SNX12: variants seen among roughly 807,000 people sequenced by gnomAD.
SNX12 encodes sorting nexin 12, also known as sorting nexin-12.
For missense variants in SNX12, 62 were observed against 141.3 expected, an observed-to-expected ratio of 0.44 and a Z score of 2.84; for synonymous variants, 47 against 56.0, an observed-to-expected ratio of 0.84 and a Z score of 0.71.
At chrX:71,073,035 TACACACACAC>T (rs56242437), upstream of SNX12, among the ~76,000 whole-genome samples, 128 of 89,895 alleles carry the variant, frequency 1.4e-3, no homozygotes, top group Middle Eastern at 0.011. Flanking sequence ...TTATCACACA[TACACACACAC>T]ACACACACAC....
Position 71,059,282 on chromosome X carries a change from T to C in SNX12, c.*1734A>G, listed in dbSNP as rs1170016535. The C allele has an allele frequency of 1.8e-5, 2 of 112,166 alleles. No homozygotes were observed. Among genetic ancestry groups the C allele is most frequent in the Non-Finnish European group, 3.8e-5 (2 of 53,268 alleles). The allele number at this position is 112,166 out of a possible 1,213,427, so 9.2% of individuals were successfully genotyped here. On this transcript the variant is annotated 3_prime_UTR_variant, in exon 4 of 4. Coordinates refer to ENST00000374274, the MANE Select transcript of SNX12 (RefSeq NM_013346.4). Reference sequence around the variant, plus strand: ...GTGGTTTAATATGAACAGAGTTGAATATGACATTGTCTGACAGAAGAATGA... The same window carrying C: ...GTGGTTTAATATGAACAGAGTTGAACATGACATTGTCTGACAGAAGAATGA...
chrX:71,068,232 C>T lies in SNX12; in HGVS notation c.75G>A (p.Pro25=), dbSNP rs1481627068. ...TGTCGATCTCCAGGAAGTTACTTGG[C>T]GGCCCGTAAGCGTCGGTCAGGTCCT... ...KPQDLTDAYG[P]PSNFLEIDIF... The change falls in exon 1 of 4, where the codon CCG becomes CCA. Residue 25 remains proline (P), a synonymous_variant. Coordinates refer to ENST00000374274, the MANE Select transcript of SNX12 (RefSeq NM_013346.4). The T allele has an allele frequency of 8.3e-7, 1 of 1,210,127 alleles. No homozygotes were observed. Among genetic ancestry groups the T allele is most frequent in the Admixed American group, 2.2e-5 (1 of 45,915 alleles).
At chrX:71,069,365 A>C, upstream of SNX12, among the ~76,000 whole-genome samples, 1 of 112,397 alleles carries the variant, frequency 8.9e-6, no homozygotes, top group South Asian at 3.6e-4. Context: ...CACTAAGCAA[A>C]TACGTGCCAA....
intron 2 of SNX12, among the ~76,000 whole-genome samples, chrX:71,062,562 G>A (rs936541236): frequency 9.1e-6 from 1 of 109,618 alleles, no homozygotes; most frequent in Non-Finnish European, 1.9e-5. Flanking sequence ...TAGTACAGGC[G>A]GGGTTTCACC....
In SNX12 at chrX:71,060,112, T is replaced by G. The variant is rs932162572; in HGVS notation, c.*904A>C. On this transcript the variant is annotated 3_prime_UTR_variant, in exon 4 of 4. Transcript: ENST00000374274. ...GGAAGGAAGACAGTGTTGATGCCCT[T>G]CCCTACCGCGGGTAAGAGCCTAGAA... 2 of 111,659 alleles carry G rather than the reference T, an allele frequency of 1.8e-5. No individual in the cohort carries two copies. Among genetic ancestry groups the G allele is most frequent in the Non-Finnish European group, 3.8e-5 (2 of 53,163 alleles). 9.2% of individuals were successfully genotyped at this position (111,659 alleles called of 1,213,427 possible).
At chrX:71,070,716 G>T (rs1300175157), upstream of SNX12, among the ~76,000 whole-genome samples, 4 of 111,314 alleles carry the variant, frequency 3.6e-5, no homozygotes, top group African/African-American at 1.3e-4. Context: ...AAGGACAGAA[G>T]ATTTGAAAGT....
intron 1 of SNX12, among the ~76,000 whole-genome samples, chrX:71,063,542 TAATAA>T (rs1237503130): frequency 1.8e-5 from 2 of 108,899 alleles, no homozygotes; most frequent in Admixed American, 2.0e-4. Context: ...TTTATAATAA[TAATAA>T]ATGTCTATGA....
upstream of SNX12, among the ~76,000 whole-genome samples, chrX:71,069,054 C>A: frequency 8.9e-6 from 1 of 112,201 alleles, no homozygotes; most frequent in Non-Finnish European, 1.9e-5. Context: ...CCTTCTATTT[C>A]TACTCCGCAG....
upstream of SNX12, among the ~76,000 whole-genome samples, chrX:71,069,944 AAGAAAG>A (rs1014251766): frequency 2.3e-5 from 2 of 87,831 alleles, no homozygotes; most frequent in Non-Finnish European, 4.7e-5. Flanking sequence ...CCATCAAAAA[AAGAAAG>A]AAAGAAAAGG....
At chrX:71,066,262 G>A (rs1166840426) in intron 1 of SNX12, among the ~76,000 whole-genome samples, 7 of 111,601 alleles carry the variant, frequency 6.3e-5, no homozygotes, top group Non-Finnish European at 1.3e-4. Context: ...GTACACAGTA[G>A]GCACTAGATG....
At chrX:71,062,126 C>T (rs919735944) in intron 2 of SNX12, among the ~76,000 whole-genome samples, 159 bp from the exon 3 acceptor site, 3 of 111,495 alleles carry the variant, frequency 2.7e-5, no homozygotes, top group Non-Finnish European at 5.6e-5. Context: ...GTCAGGATGG[C>T]TCAGGTCAAA....
chrX:71,067,765 T>C (rs187319666), intron 1 of SNX12, among the ~76,000 whole-genome samples: 3 of 111,533 alleles, frequency 2.7e-5, no homozygotes, highest in Non-Finnish European at 3.8e-5. Flanking sequence ...AGCTCAGCGA[T>C]ATATCGCCTT....
At chrX:71,066,148 G>A (rs1272528628) in intron 1 of SNX12, among the ~76,000 whole-genome samples, 2 of 112,338 alleles carry the variant, frequency 1.8e-5, no homozygotes, top group African/African-American at 6.5e-5. Flanking sequence ...TTATAGTTAC[G>A]TGTACTTGGG....
chrX:71,064,995 G>A (rs939559604), intron 1 of SNX12, among the ~76,000 whole-genome samples: 4 of 112,659 alleles, frequency 3.6e-5, no homozygotes, highest in African/African-American at 1.3e-4. Context: ...ATCCAGGATC[G>A]TCAAGGTCCA....
chrX:71,067,196 T>C (rs1387141743), intron 1 of SNX12, among the ~76,000 whole-genome samples: 1 of 112,386 alleles, frequency 8.9e-6, no homozygotes, highest in African/African-American at 3.2e-5. Context: ...CCTTGCATTA[T>C]GGGCTAAGCA....
chrX:71,067,927 T>C (rs78229927), intron 1 of SNX12, among the ~76,000 whole-genome samples: 23,420 of 110,106 alleles, frequency 0.21, 1,899 homozygotes, highest in African/African-American at 0.27. Context: ...GTAGCTTTCC[T>C]GCATCCCCGT....
intron 2 of SNX12, among the ~76,000 whole-genome samples, chrX:71,062,391 G>GAGAC (rs1187988439): frequency 6.7e-5 from 1 of 15,022 alleles, no homozygotes; most frequent in Non-Finnish European, 1.1e-4. Flanking sequence ...TTTTTTTTTT[G>GAGAC]AGACAGAGTC....
At chrX:71,061,357 A>G (rs979216808) in intron 3 of SNX12, among the ~76,000 whole-genome samples, 1 of 112,034 alleles carries the variant, frequency 8.9e-6, no homozygotes, top group African/African-American at 3.2e-5. Flanking sequence ...CCTGACACAC[A>G]GGATCAGAAT....
chrX:71,068,371 C>A, upstream of SNX12: 1 of 958,181 alleles, frequency 1.0e-6, no homozygotes, highest in Non-Finnish European at 1.4e-6. Flanking sequence ...GGCAGGAGCG[C>A]GCACGGCCCC....
Sources: allele counts gnomAD v4.1 joint callset (sites outside exome capture counted in the v4.1 genomes callset), GRCh38; gene constraint gnomAD v4.1.1; transcripts MANE v1.5; gene names NCBI Gene and HGNC (gene_info 2026-07-23, HGNC 2026-07-21).